The following TMEM181 variants were observed in gnomAD, a reference collection of about 807,000 sequenced individuals.
TMEM181 encodes the protein G protein-coupled receptor 178.
Under a neutral mutation model 71.9 loss-of-function variants are expected in TMEM181, and 39 were observed. That is an observed-to-expected ratio of 0.54 (90% CI 0.42 to 0.71). TMEM181 has a LOEUF of 0.71. Ranked by LOEUF, TMEM181 falls within the 30% of genes least tolerant of loss-of-function variation. The probability of loss-of-function intolerance (pLI) is 0.00; values close to 1 mark genes in which losing one functional copy is unlikely to be tolerated. For missense variants in TMEM181, 595 were observed against 583.0 expected (o/e 1.02, Z -0.21); for synonymous variants, 245 against 228.8 (o/e 1.07, Z -0.64).
At chr6:158,591,024 G>A (rs1784083740) in intron 6 of TMEM181, among the ~76,000 whole-genome samples, 1 of 152,172 alleles carries the variant, frequency 6.6e-6, no homozygotes, top group African/African-American at 2.4e-5. Flanking sequence ...GTTGTCGCGG[G>A]ATCAGTACTT....
intron 6 of TMEM181, among the ~76,000 whole-genome samples, chr6:158,593,208 G>GT (rs1429818810): frequency 2.6e-5 from 4 of 152,126 alleles, no homozygotes; most frequent in African/African-American, 9.7e-5. Context: ...TAGATTTCTG[G>GT]TTAAATAAAT....
At chr6:158,547,545 G>A (rs144855935) in intron 1 of TMEM181, among the ~76,000 whole-genome samples, 1 of 152,320 alleles carries the variant, frequency 6.6e-6, no homozygotes, top group African/African-American at 2.4e-5. Flanking sequence ...CCACCAGGCA[G>A]GCGCTCTTGG....
intron 13 of TMEM181, among the ~76,000 whole-genome samples, chr6:158,627,488 G>A (rs1485879137): frequency 6.6e-6 from 1 of 152,234 alleles, no homozygotes; most frequent in Non-Finnish European, 1.5e-5. Flanking sequence ...ACTTGCAGAG[G>A]GGAAGGGTCC....
chr6:158,590,507 AG>A (rs1379882195), intron 6 of TMEM181, among the ~76,000 whole-genome samples: 1 of 151,780 alleles, frequency 6.6e-6, no homozygotes, highest in Non-Finnish European at 1.5e-5. Flanking sequence ...ACCAGGCTGG[AG>A]TGTGGAGTGC....
At chr6:158,558,064 C>T (rs1054101937), upstream of TMEM181, among the ~76,000 whole-genome samples, 1 of 152,210 alleles carries the variant, frequency 6.6e-6, no homozygotes, top group Non-Finnish European at 1.5e-5. Flanking sequence ...ACCTGGGTGA[C>T]GCTGGACAGC....
chr6:158,629,100 C>A (rs1326488951), intron 14 of TMEM181, among the ~76,000 whole-genome samples: 1 of 152,194 alleles, frequency 6.6e-6, no homozygotes, highest in Non-Finnish European at 1.5e-5. Context: ...GGAGCCCTGG[C>A]CTCGCCCAGA....
At chr6:158,551,530 A>G (rs1414925991) in intron 1 of TMEM181, among the ~76,000 whole-genome samples, 1 of 152,196 alleles carries the variant, frequency 6.6e-6, no homozygotes, top group African/African-American at 2.4e-5. Flanking sequence ...GAACCTGACA[A>G]ACATTTATTA....
At chr6:158,585,980 A>G (rs1783747107) in intron 5 of TMEM181, among the ~76,000 whole-genome samples, 1 of 152,180 alleles carries the variant, frequency 6.6e-6, no homozygotes, top group Non-Finnish European at 1.5e-5. Context: ...GTATGCTACC[A>G]GGGCTGACTA....
chr6:158,549,339 C>A (rs1261813327), intron 1 of TMEM181, among the ~76,000 whole-genome samples: 1 of 152,146 alleles, frequency 6.6e-6, no homozygotes. Flanking sequence ...TGGTCTCGAA[C>A]TCCTGACGTC....
At chr6:158,619,943 G>A (rs957884835) in intron 10 of TMEM181, among the ~76,000 whole-genome samples, 2 of 151,592 alleles carry the variant, frequency 1.3e-5, no homozygotes, top group Non-Finnish European at 2.9e-5. Context: ...AGGAAAGCCT[G>A]AGTATAGGGA....
In TMEM181 at chr6:158,590,655, A is replaced by G. The variant is rs375490104; in HGVS notation, c.492+873A>G. ...ATTTTTGTATTTTTAGTAGAGACAG[A>G]GTTTCACCATGTTGGCCAGGATGGT... On this transcript the variant is annotated intron_variant, in intron 6 of 16. Transcript: ENST00000684151. 1.1e-3 allele frequency among the ~76,000 whole-genome samples: 164 copies of G among 152,216 alleles called. 1 individual carries two copies. Among genetic ancestry groups the G allele is most frequent in the African/African-American group, 3.8e-3 (159 of 41,536 alleles).
chr6:158,568,876 G>C (rs1181905578), intron 1 of TMEM181, among the ~76,000 whole-genome samples: 1 of 152,186 alleles, frequency 6.6e-6, no homozygotes, highest in African/African-American at 2.4e-5. Context: ...TCAATGTTTT[G>C]TTGTTTTGCC....
chr6:158,539,462 C>T (rs751037753), intron 1 of TMEM181, among the ~76,000 whole-genome samples: 1 of 152,200 alleles, frequency 6.6e-6, no homozygotes, highest in Non-Finnish European at 1.5e-5. Context: ...GGCTCCTTCT[C>T]TTCTCACCGT....
intron 5 of TMEM181, among the ~76,000 whole-genome samples, chr6:158,585,882 T>C (rs1302737893): frequency 3.3e-5 from 5 of 152,160 alleles, no homozygotes; most frequent in Non-Finnish European, 5.9e-5. Flanking sequence ...TGGAGTGCAG[T>C]GGCACAATCA....
chr6:158,614,127 A>T (rs1173536317), intron 10 of TMEM181, among the ~76,000 whole-genome samples: 1 of 152,220 alleles, frequency 6.6e-6, no homozygotes, highest in Non-Finnish European at 1.5e-5. Flanking sequence ...TCATGTACCT[A>T]AACATGTTAA....
At chr6:158,560,370 A>G (rs1042995515) in intron 1 of TMEM181, 138 bp downstream of exon 1, 2 of 961,406 alleles carry the variant, frequency 2.1e-6, no homozygotes, top group Non-Finnish European at 2.5e-6. Context: ...AAGGGCGCTG[A>G]AGGGGGCTTC....
chr6:158,584,110 A>G (rs1783628001), intron 4 of TMEM181, 66 bp downstream of exon 4: 1 of 1,345,926 alleles, frequency 7.4e-7, no homozygotes, highest in African/African-American at 1.5e-5. Flanking sequence ...TTAGATGTTG[A>G]CTTCAGAATA....
At chr6:158,609,744 TG>T in intron 10 of TMEM181, 1 of 262,384 alleles carries the variant, frequency 3.8e-6, no homozygotes, top group South Asian at 5.4e-5. Context: ...TCACGCAAAG[TG>T]GCCAGGGTGT....
In TMEM181 at chr6:158,632,196, A is replaced by C. The variant is rs1786704178; in HGVS notation, c.*308A>C. 3.0e-6 allele frequency: 1 copy of C among 338,858 alleles called. No homozygotes were observed. The highest frequency in any genetic ancestry group is 3.9e-5 in the South Asian group (1 of 25,838). The allele number at this position is 338,858 out of a possible 1,614,324, so 21.0% of individuals were successfully genotyped here. On this transcript the variant is annotated 3_prime_UTR_variant, in exon 17 of 17. Coordinates refer to ENST00000684151, the MANE Select transcript of TMEM181 (RefSeq NM_001376852.1). ...TTTCACGTTTTTAGTACAGTGAATT[A>C]TGTACTTTTTTTTCCTGTAATCATT...
Sources: gnomAD v4.1 joint callset for allele counts (sites outside exome capture counted in the v4.1 genomes callset) on GRCh38, gnomAD v4.1.1 for gene constraint, MANE v1.5 for transcripts, NCBI Gene and HGNC (gene_info 2026-07-23, HGNC 2026-07-21) for gene names.